Variants in NSUN2 observed in about 807,000 individuals in gnomAD.
NSUN2 encodes the protein NOP2/Sun RNA methyltransferase 2.
In NSUN2, 63 loss-of-function variants were observed where a neutral mutation model predicts 92.7. That is an observed-to-expected ratio of 0.68 (90% confidence interval 0.56 to 0.84). The LOEUF (loss-of-function observed/expected upper bound fraction) is 0.84, where lower values mean the gene tolerates loss of function less well. NSUN2 is among the 40% of genes least tolerant of loss of function. NSUN2 has a pLI of 0.00. For missense variants in NSUN2, 989 were observed against 964.9 expected, an observed-to-expected ratio of 1.02 and a Z score of -0.33; for synonymous variants, 356 against 348.3, an observed-to-expected ratio of 1.02 and a Z score of -0.25.
intron 12 of NSUN2, 60 bp downstream of exon 12, chr5:6,609,766 G>T: frequency 7.3e-7 from 1 of 1,374,298 alleles, no homozygotes; most frequent in South Asian, 1.2e-5. Flanking sequence ...ACTCCGGTTA[G>T]TTTTTGTCTT....
Position 6,632,715 on chromosome 5 carries a change from C to G in NSUN2, c.138G>C (p.Lys46Asn), listed in dbSNP as rs886060729. The G allele has an allele frequency of 1.2e-6, 2 of 1,614,068 alleles. No homozygotes were observed. The highest frequency in any genetic ancestry group is 1.7e-6 in the Non-Finnish European group (2 of 1,180,032). The stretch of plus-strand genomic sequence containing the variant: ...GCTCCTGGTAGTAGTGCTCGAACAG[C>G]TTGTTCTCCTTGACGATCTCGGGGT... ...GGYPEIVKEN[K>N]LFEHYYQELK... The change falls in exon 2 of 19, where the codon AAG becomes AAC. Residue 46 changes from lysine to asparagine, a missense_variant. Coordinates refer to ENST00000264670, the MANE Select transcript of NSUN2 (RefSeq NM_017755.6).
rs1459678170 is a variant in NSUN2 at position 6,632,765 on chromosome 5, G to A, written c.97-9C>T. ...TAGCCTCCTTCCCAGCCCTGAGGAA[G>A]GAAAGAGACGTCTACCCCGAGGCCC... On this transcript the variant is annotated splice_polypyrimidine_tract_variant and intron_variant, in intron 1 of 18. Transcript: ENST00000264670. 6.2e-7 allele frequency: 1 copy of A among 1,612,368 alleles called. No homozygotes were observed. The highest frequency in any genetic ancestry group is 1.1e-5 in the South Asian group (1 of 91,008).
At chr5:6,628,521 T>C (rs1241973593) in intron 3 of NSUN2, among the ~76,000 whole-genome samples, 3 of 152,218 alleles carry the variant, frequency 2.0e-5, no homozygotes, top group Admixed American at 1.3e-4. Context: ...ATACATAACT[T>C]TCCTTCTAGA....
chr5:6,601,602 C>CCCT (rs1417061712), intron 18 of NSUN2, among the ~76,000 whole-genome samples: 8 of 150,722 alleles, frequency 5.3e-5, no homozygotes, highest in East Asian at 2.0e-4. Context: ...TCTTACCTAT[C>CCCT]CCTCCTCCTT....
rs1321570157 is a variant in NSUN2, at chr5:6,620,199, T to C, written c.722A>G (p.His241Arg). 1 of 1,613,520 alleles carries C rather than the reference T, an allele frequency of 6.2e-7. No individual in the cohort carries two copies. The highest frequency in any genetic ancestry group is 1.1e-5 in the South Asian group (1 of 90,880). Reference sequence around the variant, plus strand: ...GAGCCTGGGTATGCTGGAGGCATCATGGTTGACCACCATGATGCAGGGGCT... The same window carrying C: ...GAGCCTGGGTATGCTGGAGGCATCACGGTTGACCACCATGATGCAGGGGCT... ...LSSPCIMVVNHDASSIPRLQI... is the reference protein window; with the variant it reads ...LSSPCIMVVNRDASSIPRLQI... Residue 241 changes from histidine to arginine, a missense_variant, in exon 7 of 19, where the codon CAT (histidine) becomes CGT (arginine). By Grantham distance (29) the His-to-Arg change is conservative. Around this residue, in one of 3 missense-constraint regions of NSUN2, gnomAD observed 356 missense variants for 338.6 expected, o/e 1.05. Coordinates refer to ENST00000264670, the MANE Select transcript of NSUN2 (RefSeq NM_017755.6).
intron 7 of NSUN2, among the ~76,000 whole-genome samples, chr5:6,618,360 G>C (rs1225503582): frequency 6.6e-6 from 1 of 152,156 alleles, no homozygotes; most frequent in African/African-American, 2.4e-5. Context: ...AAATACTATT[G>C]AAAATCTCAG....
chr5:6,607,499 A>G (rs2126476564), intron 12 of NSUN2, 115 bp from the exon 13 acceptor site: 8 of 883,748 alleles, frequency 9.1e-6, no homozygotes, highest in East Asian at 7.6e-5. Context: ...CTACAGCATT[A>G]TATGTAGAGA....
At chr5:6,615,274 A>G (rs1270248854) in intron 9 of NSUN2, among the ~76,000 whole-genome samples, 1 of 152,200 alleles carries the variant, frequency 6.6e-6, no homozygotes, top group African/African-American at 2.4e-5. Flanking sequence ...AGGGATCTGA[A>G]AGCAGACTGT....
intron 16 of NSUN2, 39 bp from the exon 17 acceptor site, chr5:6,604,315 T>C: frequency 4.5e-6 from 7 of 1,552,384 alleles, no homozygotes; most frequent in Non-Finnish European, 6.2e-6. Flanking sequence ...GATACCATGA[T>C]GTCATTCATG....
rs1333497301 is a variant in NSUN2 at position 6,611,746 on chromosome 5, C to T, written c.1074G>A (p.Met358Ile). The change falls in exon 10 of 19, where the codon ATG (methionine) becomes ATA (isoleucine). Residue 358 changes from methionine (M) to isoleucine (I), a missense_variant. Coordinates refer to ENST00000264670, the MANE Select transcript of NSUN2 (RefSeq NM_017755.6). ...TTACCTTCCACTGTGTGATTCCAGGCATCCACTTCAGCCCTGGCAGTTCAT... is the reference window on the plus strand; with the variant it reads ...TTACCTTCCACTGTGTGATTCCAGGTATCCACTTCAGCCCTGGCAGTTCAT... ...VSNELPGLKWMPGITQWKVMT... is the reference protein window; with the variant it reads ...VSNELPGLKWIPGITQWKVMT... 3 of 1,614,134 alleles carry T rather than the reference C, an allele frequency of 1.9e-6. No individual in the cohort carries two copies. The highest frequency in any genetic ancestry group is 2.2e-5 in the South Asian group (2 of 91,074).
intron 3 of NSUN2, among the ~76,000 whole-genome samples, chr5:6,630,928 C>G (rs537493414): frequency 1.3e-5 from 2 of 152,208 alleles, no homozygotes; most frequent in South Asian, 4.1e-4. Flanking sequence ...CCCGTCTCCA[C>G]TAAAAATACA....
chr5:6,612,710 T>C (rs1159141116), intron 9 of NSUN2, among the ~76,000 whole-genome samples: 1 of 152,252 alleles, frequency 6.6e-6, no homozygotes, highest in Non-Finnish European at 1.5e-5. Flanking sequence ...TCTGCCATCA[T>C]TTCTGAATCC....
At chr5:6,607,703 G>C (rs181384151) in intron 12 of NSUN2, among the ~76,000 whole-genome samples, 5 of 152,114 alleles carry the variant, frequency 3.3e-5, no homozygotes, top group Non-Finnish European at 7.3e-5. Flanking sequence ...ATCTGCTCTG[G>C]GTAAGGCACA....
At chr5:6,606,288 CTT>C (rs1378756454) in intron 14 of NSUN2, among the ~76,000 whole-genome samples, 1 of 152,020 alleles carries the variant, frequency 6.6e-6, no homozygotes, top group East Asian at 1.9e-4. Context: ...GTCCAGTTTT[CTT>C]TTGTTTTTTT....
chr5:6,624,339 CA>C (rs1159273634), intron 4 of NSUN2, among the ~76,000 whole-genome samples: 2 of 149,346 alleles, frequency 1.3e-5, no homozygotes, highest in Non-Finnish European at 1.5e-5. Context: ...GCCAGCTTTC[CA>C]TAACCCAGAG....
Position 6,604,590 on chromosome 5 carries a change from C to T in NSUN2, c.1818+15G>A, listed in dbSNP as rs769960577. 2.5e-6 allele frequency: 4 copies of T among 1,612,202 alleles called. No homozygotes were observed. Among genetic ancestry groups the T allele is most frequent in the South Asian group, 1.1e-5 (1 of 91,032 alleles). On this transcript the variant is annotated intron_variant, in intron 16 of 18. Coordinates refer to ENST00000264670, the MANE Select transcript of NSUN2 (RefSeq NM_017755.6). ...ATCTGTGGCTACTGCTGTTCAAATC[C>T]ACTTCCAAAATTACCTCCTGTGCCA... is the stretch of plus-strand genomic sequence containing the variant.
intron 1 of NSUN2, 51 bp downstream of exon 1, chr5:6,632,833 C>T: frequency 6.4e-7 from 1 of 1,553,656 alleles, no homozygotes; most frequent in African/African-American, 1.4e-5. Context: ...CCTCGGGGTC[C>T]GGGAAGCCCA....
chr5:6,632,818 G>A, intron 1 of NSUN2, 62 bp from the exon 2 acceptor site: 1 of 1,569,356 alleles, frequency 6.4e-7, no homozygotes, highest in Non-Finnish European at 8.6e-7. Context: ...CCGCCGCCTC[G>A]CAGGCCTCGG....
intron 3 of NSUN2, among the ~76,000 whole-genome samples, chr5:6,628,044 A>G (rs980680227): frequency 3.3e-5 from 5 of 152,192 alleles, no homozygotes; most frequent in African/African-American, 1.2e-4. Context: ...TCCTCAATCT[A>G]GACATTAAAA....
Sources: allele counts gnomAD v4.1 joint callset (sites outside exome capture counted in the v4.1 genomes callset), GRCh38; gene constraint gnomAD v4.1.1; regional missense constraint gnomAD v4.1.1; transcripts MANE v1.5; gene names NCBI Gene and HGNC (gene_info 2026-07-23, HGNC 2026-07-21).